HDAC4: variants seen among roughly 807,000 people sequenced by gnomAD.
HDAC4 encodes histone deacetylase A.
A neutral mutation model predicts 135.1 loss-of-function variants in HDAC4; 16 were observed. The ratio of observed to expected loss-of-function variants is 0.12; its 90% CI spans 0.08 to 0.18. The LOEUF (loss-of-function observed/expected upper bound fraction) is 0.18. Ranked by LOEUF, HDAC4 falls within the 10% of genes least tolerant of loss-of-function variation. HDAC4 has a pLI of 1.00. For synonymous variants in HDAC4, 685 were observed against 653.4 expected (o/e 1.05, Z -0.74); for missense variants, 1,143 against 1,511.8 (o/e 0.76, Z 4.05).
chr2:239,075,223 C>CAAA (rs67188784), intron 22 of HDAC4, among the ~76,000 whole-genome samples: 19 of 31,772 alleles, frequency 6.0e-4, no homozygotes, highest in Non-Finnish European at 8.9e-4. Context: ...GACTCCGTCT[C>CAAA]AAAAAAAAAA....
intron 2 of HDAC4, chr2:239,305,434 G>C (rs995155153): frequency 6.6e-6 from 1 of 152,590 alleles, no homozygotes; most frequent in African/African-American, 2.4e-5. Context: ...GCTCCATTAC[G>C]GGGGAGTCTG....
In HDAC4 at chr2:239,330,069, T is replaced by C. The variant is rs929944036; in HGVS notation, c.22+22609A>G. Reference sequence around the variant, plus strand: ...GCCCAAGCTGCTGCTGCAGAGGCTGTGCCTGTCTCACTGAGATGACGGGGC... The same window carrying C: ...GCCCAAGCTGCTGCTGCAGAGGCTGCGCCTGTCTCACTGAGATGACGGGGC... On this transcript the variant is annotated intron_variant, in intron 2 of 26. Transcript: ENST00000543185. 1.1e-4 allele frequency among the ~76,000 whole-genome samples: 16 copies of C among 152,330 alleles called. No homozygotes were observed. The East Asian group carries it at 3.1e-3, about 29-fold the overall frequency.
At chr2:239,114,396 T>C (rs1575076018) in intron 13 of HDAC4, among the ~76,000 whole-genome samples, 1 of 152,206 alleles carries the variant, frequency 6.6e-6, no homozygotes, top group Non-Finnish European at 1.5e-5. Flanking sequence ...AGGAAGCCAC[T>C]TTCCTGAGGG....
intron 11 of HDAC4, among the ~76,000 whole-genome samples, chr2:239,133,211 A>G (rs10201155): frequency 0.12 from 17,905 of 152,148 alleles, 3,484 homozygotes; most frequent in African/African-American, 0.4. Context: ...AGAAAACACC[A>G]AAATCCACCA....
chr2:239,362,145 A>C (rs756622331), intron 1 of HDAC4, among the ~76,000 whole-genome samples: 3 of 152,258 alleles, frequency 2.0e-5, no homozygotes, highest in Non-Finnish European at 4.4e-5. Context: ...CTGTGATTTT[A>C]ATTTACAAGC....
chr2:239,205,670 G>T (rs1230253805), intron 3 of HDAC4, among the ~76,000 whole-genome samples: 3 of 151,914 alleles, frequency 2.0e-5, no homozygotes, highest in African/African-American at 7.3e-5. Context: ...ACAGGAAGAA[G>T]AAGAAAGAAG....
At chr2:239,081,351 G>A (rs567509290) in intron 21 of HDAC4, among the ~76,000 whole-genome samples, 159 bp from the exon 22 acceptor site, 4 of 152,352 alleles carry the variant, frequency 2.6e-5, no homozygotes, top group East Asian at 1.9e-4. Flanking sequence ...ATTAAGACGC[G>A]TGTGAAGGGG....
At chr2:239,392,947 G>T (rs1006338071) in intron 1 of HDAC4, among the ~76,000 whole-genome samples, 1 of 152,140 alleles carries the variant, frequency 6.6e-6, no homozygotes, top group Non-Finnish European at 1.5e-5. Flanking sequence ...CCCCCAGCGG[G>T]TCCCCTCCAG....
chr2:239,291,082 C>T (rs575819923), intron 2 of HDAC4, among the ~76,000 whole-genome samples: 19 of 152,362 alleles, frequency 1.2e-4, no homozygotes, highest in African/African-American at 3.8e-4. Context: ...ACAGGGAGGA[C>T]GGCAGGTTTT....
chr2:239,369,120 CACAG>C (rs1397577829), intron 1 of HDAC4, among the ~76,000 whole-genome samples: 1 of 152,108 alleles, frequency 6.6e-6, no homozygotes, highest in African/African-American at 2.4e-5. Context: ...TTTGACAAGA[CACAG>C]ACAGGCCCTC....
At chr2:239,164,577 C>T (rs2043015397) in intron 5 of HDAC4, among the ~76,000 whole-genome samples, 1 of 152,246 alleles carries the variant, frequency 6.6e-6, no homozygotes, top group Non-Finnish European at 1.5e-5. Context: ...ACCGCCTGAA[C>T]ACAAGGCCTG....
intron 1 of HDAC4, among the ~76,000 whole-genome samples, chr2:239,389,327 C>T (rs1696040736): frequency 6.6e-6 from 1 of 152,196 alleles, no homozygotes; most frequent in Admixed American, 6.5e-5. Context: ...CTGCTGTTCA[C>T]TCTTTGGGTC....
chr2:239,281,689 T>C (rs111067615), intron 2 of HDAC4, among the ~76,000 whole-genome samples: 39,343 of 131,322 alleles, frequency 0.3, 6,106 homozygotes, highest in African/African-American at 0.44. Flanking sequence ...ATGTACACAC[T>C]ACTCTACACG....
At position 239,299,416 on chromosome 2, in the gene HDAC4, G is replaced by A. The variant is rs1176279456; in HGVS notation, c.22+53262C>T. 2.6e-5 allele frequency among the ~76,000 whole-genome samples: 4 copies of A among 152,182 alleles called. No individual in the cohort carries two copies. Among genetic ancestry groups the A allele is most frequent in the African/African-American group, 7.2e-5 (3 of 41,434 alleles). On this transcript the variant is annotated intron_variant, in intron 2 of 26. Transcript: ENST00000543185. This position sits in a 1 kb window ranked among gnomAD's most constrained non-coding sequence, Gnocchi z 4.0. Reference sequence around the variant, plus strand: ...AACAATCCCAATAAAATGCTGACATGGGCTAATCTCAAGCAGATATTCTGA... The same window carrying A: ...AACAATCCCAATAAAATGCTGACATAGGCTAATCTCAAGCAGATATTCTGA...
chr2:239,284,232 G>A (rs111657408), intron 2 of HDAC4, among the ~76,000 whole-genome samples: 1 of 152,230 alleles, frequency 6.6e-6, no homozygotes, highest in African/African-American at 2.4e-5. Flanking sequence ...ACAGGGAGCC[G>A]ACCACAGCGG....
In HDAC4 at chr2:239,068,638, T is replaced by C. The variant is rs1367605776; in HGVS notation, c.2751-31A>G. ...AAGGACAGGAGAAGGCGTTACTGGG[T>C]CAGCTGAAAGAGGGACGGGACGGTC... On this transcript the variant is annotated intron_variant, in intron 22 of 26. Coordinates refer to ENST00000543185, the MANE Select transcript of HDAC4 (RefSeq NM_001378414.1). This position sits in a 1 kb window ranked among gnomAD's most constrained non-coding sequence, Gnocchi z 4.4. 2.5e-6 allele frequency: 4 copies of C among 1,575,458 alleles called. No homozygotes were observed. Among genetic ancestry groups the C allele is most frequent in the Non-Finnish European group, 3.5e-6 (4 of 1,145,216 alleles).
intron 4 of HDAC4, 106 bp downstream of exon 4, chr2:239,189,727 C>A (rs1336649872): frequency 5.6e-6 from 6 of 1,064,246 alleles, no homozygotes; most frequent in African/African-American, 3.1e-5. Context: ...AGGAACCCTG[C>A]ATCATGCCTG....
intron 1 of HDAC4, among the ~76,000 whole-genome samples, chr2:239,370,950 T>C (rs959877559): frequency 7.9e-5 from 12 of 151,638 alleles, no homozygotes; most frequent in Admixed American, 3.9e-4. Context: ...TCTAGGGCAA[T>C]TGCTCTAACC....
intron 3 of HDAC4, among the ~76,000 whole-genome samples, chr2:239,229,243 G>C (rs942030737): frequency 6.6e-6 from 1 of 152,210 alleles, no homozygotes; most frequent in African/African-American, 2.4e-5. Context: ...TTTCTAAATT[G>C]CTCATAATTG....
Sources: gnomAD v4.1 joint callset for allele counts (sites outside exome capture counted in the v4.1 genomes callset) on GRCh38, gnomAD v4.1.1 for gene constraint, Gnocchi (gnomAD v3.1) non-coding constraint, MANE v1.5 for transcripts, NCBI Gene and HGNC (gene_info 2026-07-23, HGNC 2026-07-21) for gene names.